BAZ2B: variants seen among roughly 807,000 people sequenced by gnomAD.
BAZ2B encodes bromodomain adjacent to zinc finger domain 2B, also known as bromodomain adjacent to zinc finger domain protein 2B.
A neutral mutation model predicts 246.0 loss-of-function variants in BAZ2B; 91 were observed. That is an observed-to-expected ratio of 0.37 (90% CI 0.31 to 0.44). The LOEUF (loss-of-function observed/expected upper bound fraction) is 0.44, where lower values mean the gene tolerates loss of function less well. Among genes scored for constraint, BAZ2B ranks in the 20% least tolerant of loss-of-function variants. The pLI, the probability that BAZ2B is intolerant of heterozygous loss-of-function variation, is 1.00. For missense variants in BAZ2B, 2,332 were observed against 2,533.7 expected (o/e 0.92, Z 1.71); for synonymous variants, 855 against 860.0 (o/e 0.99, Z 0.10).
intron 3 of BAZ2B, among the ~76,000 whole-genome samples, chr2:159,467,217 ATGTG>A (rs2077176089): frequency 6.6e-6 from 1 of 152,190 alleles, no homozygotes; most frequent in Admixed American, 6.5e-5. Flanking sequence ...GTCATGGAGG[ATGTG>A]CAGCCTTATG....
intron 31 of BAZ2B, among the ~76,000 whole-genome samples, chr2:159,340,541 T>C (rs1454620886): frequency 6.6e-6 from 1 of 151,850 alleles, no homozygotes; most frequent in African/African-American, 2.4e-5. Flanking sequence ...CAGTGTCAAG[T>C]CACATATAAG....
rs1021937674 is a variant in BAZ2B at position 159,552,160 on chromosome 2, T to G, written c.-3+3663A>C. On this transcript the variant is annotated intron_variant, in intron 2 of 36. Transcript: ENST00000392783. ...ACTCTAAACTATTCTATAGTTCATT[T>G]TGGTTTTTTAAGATGTTGCCATTCT... Among the ~76,000 whole-genome samples the G allele has an allele frequency of 4.6e-5, 7 of 152,298 alleles. No homozygotes were observed. In the Middle Eastern group the frequency reaches 0.014, roughly 296 times the overall value.
chr2:159,681,785 C>T, the BAZ2B span, among the ~76,000 whole-genome samples: 5 of 151,974 alleles, frequency 3.3e-5, no homozygotes, highest in Non-Finnish European at 7.4e-5. Flanking sequence ...ATTAGCCAGG[C>T]GTAGTGGTGG....
chr2:159,498,510 AT>A (rs1322569675), intron 2 of BAZ2B, among the ~76,000 whole-genome samples: 1 of 152,188 alleles, frequency 6.6e-6, no homozygotes, highest in Non-Finnish European at 1.5e-5. Flanking sequence ...TGACATTTTT[AT>A]TTTAGTTCTT....
At chr2:159,705,061 G>A in the BAZ2B span, among the ~76,000 whole-genome samples, 93 of 147,162 alleles carry the variant, frequency 6.3e-4, 1 homozygote, top group East Asian at 0.018. Flanking sequence ...TGCCCAGGAT[G>A]CCAGGCTGGA....
At chr2:159,679,271 C>CAA in the BAZ2B span, among the ~76,000 whole-genome samples, 4,904 of 63,382 alleles carry the variant, frequency 0.077, 590 homozygotes, top group African/African-American at 0.18. Flanking sequence ...GACTTCATCT[C>CAA]AAAAAAAAAA....
intron 31 of BAZ2B, among the ~76,000 whole-genome samples, chr2:159,344,027 C>CAAAAAA (rs70994297): frequency 3.1e-5 from 3 of 96,906 alleles, no homozygotes; most frequent in Non-Finnish European, 4.1e-5. Flanking sequence ...GACTCCATCT[C>CAAAAAA]AAAAAAAAAA....
intron 2 of BAZ2B, among the ~76,000 whole-genome samples, chr2:159,502,509 T>C (rs181685630): frequency 7.3e-5 from 11 of 151,058 alleles, no homozygotes; most frequent in African/African-American, 2.7e-4. Flanking sequence ...TGGCACGTGC[T>C]TGTGGTCCCA....
chr2:159,414,904 A>G (rs1158527811), intron 13 of BAZ2B, among the ~76,000 whole-genome samples: 2 of 152,064 alleles, frequency 1.3e-5, no homozygotes, highest in Non-Finnish European at 2.9e-5. Flanking sequence ...GAAATTATAT[A>G]TTAAAAGTAT....
At chr2:159,558,474 G>C (rs1164172601) in intron 1 of BAZ2B, among the ~76,000 whole-genome samples, 2 of 152,148 alleles carry the variant, frequency 1.3e-5, no homozygotes, top group Non-Finnish European at 2.9e-5. Context: ...TGGTCAGGCT[G>C]GTCTTGAACT....
rs544149017 is a variant in BAZ2B, at chr2:159,507,401, G to T, written c.-2-28680C>A. Reference sequence around the variant, plus strand: ...AAATCTAAACAATTATATCTAGAAAGAATATTAATTCCAAGTTTTGGGTGA... The same window carrying T: ...AAATCTAAACAATTATATCTAGAAATAATATTAATTCCAAGTTTTGGGTGA... On this transcript the variant is annotated intron_variant, in intron 2 of 36. Coordinates refer to ENST00000392783, the MANE Select transcript of BAZ2B (RefSeq NM_013450.4). Among the ~76,000 whole-genome samples, 4 of 152,234 alleles carry T rather than the reference G, an allele frequency of 2.6e-5. No individual in the cohort carries two copies. In the East Asian group the frequency reaches 7.7e-4, roughly 29 times the overall value.
the BAZ2B span, among the ~76,000 whole-genome samples, chr2:159,637,498 T>A: frequency 6.6e-6 from 1 of 152,216 alleles, no homozygotes. Context: ...GGGGAAGGCC[T>A]CTATATTGTG....
At chr2:159,608,534 G>T (rs188392572) in intron 1 of BAZ2B, among the ~76,000 whole-genome samples, 1 of 152,304 alleles carries the variant, frequency 6.6e-6, no homozygotes, top group East Asian at 1.9e-4. Flanking sequence ...AAGAAGTGGG[G>T]AAGGCAGGGA....
intron 27 of BAZ2B, among the ~76,000 whole-genome samples, chr2:159,370,554 A>C (rs2060735424): frequency 6.6e-6 from 1 of 151,292 alleles, no homozygotes; most frequent in African/African-American, 2.4e-5. Flanking sequence ...TTGTATTTTT[A>C]GTAGAGACGG....
chr2:159,448,864 T>C (rs1463832382), intron 4 of BAZ2B, among the ~76,000 whole-genome samples: 1 of 152,146 alleles, frequency 6.6e-6, no homozygotes, highest in African/African-American at 2.4e-5. Context: ...TAAATAATAA[T>C]ATAAGACTAT....
At chr2:159,411,975 A>G in intron 14 of BAZ2B, 1 of 985,328 alleles carries the variant, frequency 1.0e-6, no homozygotes. Context: ...ATTCCCATGT[A>G]CCACCTCAAG....
At chr2:159,422,365 A>G (rs2150063923) in intron 13 of BAZ2B, among the ~76,000 whole-genome samples, 3 of 152,300 alleles carry the variant, frequency 2.0e-5, no homozygotes, top group Admixed American at 2.0e-4. Flanking sequence ...ACAGTAACCA[A>G]AACAGCATGG....
intron 13 of BAZ2B, among the ~76,000 whole-genome samples, chr2:159,419,179 T>G (rs756619231): frequency 6.6e-6 from 1 of 152,146 alleles, no homozygotes; most frequent in Non-Finnish European, 1.5e-5. Flanking sequence ...TAAAAGCAAA[T>G]TGATCTTAAA....
At chr2:159,497,256 C>A (rs1433159282) in intron 2 of BAZ2B, among the ~76,000 whole-genome samples, 1 of 152,078 alleles carries the variant, frequency 6.6e-6, no homozygotes, top group Non-Finnish European at 1.5e-5. Context: ...TCATGAACTA[C>A]CAGGAAGAAA....
Sources: allele counts gnomAD v4.1 joint callset (sites outside exome capture counted in the v4.1 genomes callset), GRCh38; gene constraint gnomAD v4.1.1; transcripts MANE v1.5; gene names NCBI Gene and HGNC (gene_info 2026-07-23, HGNC 2026-07-21).